Variants in AR observed in about 807,000 individuals in gnomAD.
AR encodes the protein dihydrotestosterone receptor.
A neutral mutation model predicts 53.9 loss-of-function variants in AR; 8 were observed. The ratio of observed to expected loss-of-function variants is 0.15; its 90% CI spans 0.09 to 0.27. The LOEUF (loss-of-function observed/expected upper bound fraction) is 0.27, where lower values mean the gene tolerates loss of function less well. Ranked by LOEUF, AR falls within the 10% of genes least tolerant of loss-of-function variation. The pLI, the probability that AR is intolerant of heterozygous loss-of-function variation, is 1.00. For missense variants in AR, 639 were observed against 742.5 expected, an observed-to-expected ratio of 0.86 and a Z score of 1.62; for synonymous variants, 359 against 316.4, an observed-to-expected ratio of 1.13 and a Z score of -1.43.
intron 1 of AR, among the ~76,000 whole-genome samples, chrX:67,549,497 A>G (rs1929914017): frequency 8.9e-6 from 1 of 111,959 alleles, no homozygotes; most frequent in South Asian, 3.7e-4. Context: ...AGAAGGAAAA[A>G]TAAAAAGTGA....
rs1924773809 is a variant in AR, at chrX:67,627,760, A to C, written c.1617-15496A>C. On this transcript the variant is annotated intron_variant, in intron 1 of 7. Transcript: ENST00000374690. ...GCCTAGGTTTTCTTCTAGGGTTTTT[A>C]TGGTTTTAGGTCTAACGTTTAAGTC... Among the ~76,000 whole-genome samples, 3 of 111,511 alleles carry C rather than the reference A, an allele frequency of 2.7e-5. No homozygotes were observed. In the Admixed American group the frequency reaches 2.9e-4, roughly 11 times the overall value.
chrX:67,665,053 C>G lies in AR; in HGVS notation c.1769-20957C>G, dbSNP rs1462205546. Among the ~76,000 whole-genome samples, 29 of 112,955 alleles carry G rather than the reference C, an allele frequency of 2.6e-4. No individual in the cohort carries two copies. In the Admixed American group the frequency reaches 2.7e-3, roughly 11 times the overall value. On this transcript the variant is annotated intron_variant, in intron 2 of 7. Coordinates refer to ENST00000374690, the MANE Select transcript of AR (RefSeq NM_000044.6). ...ACTAGGAAAGGGAATTCTCTGATCC[C>G]TTGTGCTTCCTGGGTGAGGCGATGT...
intron 1 of AR, among the ~76,000 whole-genome samples, chrX:67,580,776 GT>G (rs764884940): frequency 9.0e-4 from 100 of 111,079 alleles, no homozygotes; most frequent in African/African-American, 2.2e-3. Flanking sequence ...TTATGAATGA[GT>G]TTTTTTGTTC....
intron 1 of AR, among the ~76,000 whole-genome samples, chrX:67,635,849 G>A (rs1319735567): frequency 1.8e-5 from 2 of 111,315 alleles, no homozygotes; most frequent in Non-Finnish European, 3.8e-5. Flanking sequence ...ACCCTCGGGA[G>A]GTAAGAAAAA....
At chrX:67,630,904 A>T (rs1164621953) in intron 1 of AR, among the ~76,000 whole-genome samples, 2 of 110,231 alleles carry the variant, frequency 1.8e-5, no homozygotes, top group East Asian at 5.7e-4. Context: ...TATGAAGCTT[A>T]GTTTGGCTGG....
chrX:67,612,010 T>A (rs1047020682), intron 1 of AR, among the ~76,000 whole-genome samples: 2 of 112,375 alleles, frequency 1.8e-5, no homozygotes, highest in African/African-American at 6.5e-5. Flanking sequence ...TCAGCATATG[T>A]ACTATACATG....
chrX:67,640,893 T>C (rs1202680912), intron 1 of AR, among the ~76,000 whole-genome samples: 3 of 111,788 alleles, frequency 2.7e-5, no homozygotes, highest in Admixed American at 9.6e-5. Flanking sequence ...TCCTCATCTT[T>C]AGCAGTCTGC....
intron 2 of AR, among the ~76,000 whole-genome samples, chrX:67,680,298 T>C (rs1280973165): frequency 8.9e-6 from 1 of 112,128 alleles, no homozygotes; most frequent in Admixed American, 9.5e-5. Flanking sequence ...ACTTTAAATG[T>C]ACAGCAGGGA....
intron 1 of AR, among the ~76,000 whole-genome samples, chrX:67,601,714 C>G (rs986023577): frequency 1.8e-5 from 2 of 112,248 alleles, no homozygotes; most frequent in Admixed American, 9.5e-5. Flanking sequence ...CATTTTTCAG[C>G]TCCTGTCAGA....
chrX:67,589,780 C>G (rs1249446738), intron 1 of AR, among the ~76,000 whole-genome samples: 2 of 111,684 alleles, frequency 1.8e-5, no homozygotes, highest in Non-Finnish European at 3.8e-5. Flanking sequence ...AGTTTCCCCT[C>G]TGTTTTCTCC....
chrX:67,667,700 A>G (rs1442120401), intron 2 of AR, among the ~76,000 whole-genome samples: 1 of 111,599 alleles, frequency 9.0e-6, no homozygotes, highest in Non-Finnish European at 1.9e-5. Flanking sequence ...CGAACATGGA[A>G]TATCCTTCTA....
intron 1 of AR, among the ~76,000 whole-genome samples, chrX:67,609,599 A>G (rs1312226261): frequency 9.0e-6 from 1 of 110,927 alleles, no homozygotes; most frequent in Admixed American, 9.7e-5. Context: ...GACAAAGGTG[A>G]TACGAAATAT....
chrX:67,649,526 T>C (rs891347383), intron 2 of AR, among the ~76,000 whole-genome samples: 2 of 112,223 alleles, frequency 1.8e-5, no homozygotes, highest in Admixed American at 9.5e-5. Flanking sequence ...CCATATTCTC[T>C]CCAGCATCTG....
At position 67,707,945 on chromosome X, in the gene AR, T is replaced by G. The variant is rs1018044334; in HGVS notation, c.1886-3457T>G. Among the ~76,000 whole-genome samples the G allele has an allele frequency of 3.6e-5, 4 of 112,227 alleles. No individual in the cohort carries two copies. In the East Asian group the frequency reaches 1.1e-3, roughly 31 times the overall value. On this transcript the variant is annotated intron_variant, in intron 3 of 7. Transcript: ENST00000374690. ...ATGAAATTCTGGGTTGAAAATTCTT[T>G]TCTTTAAGAATGATGAATATTGGCC...
At chrX:67,580,298 CATA>C (rs1191792789) in intron 1 of AR, among the ~76,000 whole-genome samples, 2 of 111,252 alleles carry the variant, frequency 1.8e-5, no homozygotes, top group Non-Finnish European at 3.8e-5. Context: ...AGATATGTAA[CATA>C]ATAACAATTA....
intron 1 of AR, among the ~76,000 whole-genome samples, chrX:67,577,580 T>C (rs1922112907): frequency 9.0e-6 from 1 of 111,552 alleles, no homozygotes; most frequent in South Asian, 3.8e-4. Context: ...AGAATCATTT[T>C]ACATTTTGAC....
rs1265405745 is a variant in AR at position 67,724,945 on chromosome X, G to GAGA, written c.*1109_*1111dup. 1.2e-5 allele frequency: 2 copies of GAGA among 173,139 alleles called. No individual in the cohort carries two copies. The highest frequency in any genetic ancestry group is 2.2e-5 in the Non-Finnish European group (2 of 91,299). The allele number at this position is 173,139 out of a possible 1,213,427, so 14.3% of individuals were successfully genotyped here. ...AGTCAGGGAGGAGCTGGAGCCAGAG[G>GAGA]AGAAGAAAATGATAGCTTGGCTGTT... On this transcript the variant is annotated 3_prime_UTR_variant, in exon 8 of 8. Coordinates refer to ENST00000374690, the MANE Select transcript of AR (RefSeq NM_000044.6).
intron 1 of AR, among the ~76,000 whole-genome samples, chrX:67,578,826 A>G (rs1386439122): frequency 8.9e-6 from 1 of 112,017 alleles, no homozygotes; most frequent in Admixed American, 9.5e-5. Context: ...TTGAACATTT[A>G]TATTCTGCTT....
intron 1 of AR, among the ~76,000 whole-genome samples, chrX:67,556,162 A>C (rs1339400422): frequency 9.0e-6 from 1 of 111,649 alleles, no homozygotes; most frequent in Non-Finnish European, 1.9e-5. Flanking sequence ...TATTCATACT[A>C]TTACAGTACT....
Sources: gnomAD v4.1 joint callset for allele counts (sites outside exome capture counted in the v4.1 genomes callset) on GRCh38, gnomAD v4.1.1 for gene constraint, MANE v1.5 for transcripts, NCBI Gene and HGNC (gene_info 2026-07-23, HGNC 2026-07-21) for gene names.